NETO1: variants seen among roughly 807,000 people sequenced by gnomAD.
The protein encoded by NETO1 is neuropilin and tolloid-like protein 1.
In NETO1, 26 loss-of-function variants were observed where a neutral mutation model predicts 61.3. The observed-to-expected ratio is 0.42, with a 90% CI of 0.31 to 0.59. The LOEUF is 0.59. NETO1 is among the 20% of genes least tolerant of loss of function. NETO1 has a pLI of 0.12. For synonymous variants in NETO1, 225 were observed against 225.8 expected (o/e 1.00, Z 0.03); for missense variants, 531 against 662.8 (o/e 0.80, Z 2.18).
chr18:72,807,741 CACACACACACACA>C (rs1253809098), intron 4 of NETO1, among the ~76,000 whole-genome samples: 80 of 64,408 alleles, frequency 1.2e-3, no homozygotes, highest in Middle Eastern at 7.6e-3. Context: ...CACACACACA[CACACACACACACA>C]CCCATACTGT....
Position 72,746,482 on chromosome 18 carries a change from A to C in NETO1, c.*1697T>G, listed in dbSNP as rs146718000. The stretch of plus-strand genomic sequence containing the variant: ...TCTGATTCCCTAGTTTATCAAATTC[A>C]TTGAAGTGATTCTGTAGCTTGACAT... On this transcript the variant is annotated 3_prime_UTR_variant, in exon 11 of 11. Coordinates refer to ENST00000327305, the MANE Select transcript of NETO1 (RefSeq NM_138966.5). 6.6e-6 allele frequency among the ~76,000 whole-genome samples: 1 copy of C among 152,278 alleles called. No individual in the cohort carries two copies. Among genetic ancestry groups the C allele is most frequent in the African/African-American group, 2.4e-5 (1 of 41,570 alleles).
intron 8 of NETO1, among the ~76,000 whole-genome samples, chr18:72,755,020 GA>G (rs1486402946): frequency 6.6e-6 from 1 of 152,024 alleles, no homozygotes. Context: ...AAGGCTAAAG[GA>G]ATCATTTTTC....
intron 7 of NETO1, among the ~76,000 whole-genome samples, chr18:72,764,473 C>T (rs984899799): frequency 1.3e-5 from 2 of 152,032 alleles, no homozygotes; most frequent in Non-Finnish European, 2.9e-5. Flanking sequence ...CTTCTCAGGC[C>T]GCTATGCTAG....
At chr18:72,790,338 A>C (rs1171231935) in intron 6 of NETO1, among the ~76,000 whole-genome samples, 2 of 152,122 alleles carry the variant, frequency 1.3e-5, no homozygotes, top group Non-Finnish European at 2.9e-5. Flanking sequence ...ATTAAAAATA[A>C]ATTTTAAAAA....
At chr18:72,837,668 A>G (rs1486155763) in intron 4 of NETO1, among the ~76,000 whole-genome samples, 1 of 152,190 alleles carries the variant, frequency 6.6e-6, no homozygotes, top group East Asian at 1.9e-4. Flanking sequence ...ACTTATCTCT[A>G]TGGTATTCAA....
At chr18:72,776,353 C>G (rs745653279) in intron 7 of NETO1, among the ~76,000 whole-genome samples, 7 of 152,218 alleles carry the variant, frequency 4.6e-5, no homozygotes, top group Non-Finnish European at 7.3e-5. Context: ...CACCTAAATA[C>G]ATCCCACAAG....
intron 4 of NETO1, chr18:72,853,344 A>G (rs887350102): frequency 6.6e-6 from 1 of 152,440 alleles, no homozygotes; most frequent in African/African-American, 2.4e-5. Flanking sequence ...CAGTTTTGCC[A>G]TTAAAGGTAA....
At chr18:72,758,175 T>C (rs953354257) in intron 7 of NETO1, among the ~76,000 whole-genome samples, 13 of 152,134 alleles carry the variant, frequency 8.5e-5, no homozygotes, top group Non-Finnish European at 1.5e-4. Flanking sequence ...CAAATGGGAT[T>C]GTGTCTGTTT....
At chr18:72,855,135 T>C (rs1428577545) in intron 4 of NETO1, among the ~76,000 whole-genome samples, 2 of 152,218 alleles carry the variant, frequency 1.3e-5, no homozygotes, top group East Asian at 1.9e-4. Context: ...GGCGTAACTT[T>C]TAACATTCTT....
At position 72,802,413 on chromosome 18, in the gene NETO1, T is replaced by A. The variant is rs1044579620; in HGVS notation, c.470-8009A>T. On this transcript the variant is annotated intron_variant, in intron 4 of 10. Transcript: ENST00000327305. ...TCACACAGTAACTTGCTGATTAAAGTTTCAGCTTAGACAAGAAGACAGAGT... is the reference window on the plus strand; with the variant it reads ...TCACACAGTAACTTGCTGATTAAAGATTCAGCTTAGACAAGAAGACAGAGT... 6.6e-5 allele frequency among the ~76,000 whole-genome samples: 10 copies of A among 152,322 alleles called. 1 individual carries two copies. The South Asian group carries it at 2.1e-3, about 32-fold the overall frequency.
chr18:72,861,418 T>C (rs945716763), intron 3 of NETO1, among the ~76,000 whole-genome samples: 3 of 152,086 alleles, frequency 2.0e-5, no homozygotes, highest in East Asian at 1.9e-4. Context: ...TGAAGCTCTC[T>C]AACTCTCTCA....
At chr18:72,813,957 T>G (rs2072949284) in intron 4 of NETO1, among the ~76,000 whole-genome samples, 1 of 152,080 alleles carries the variant, frequency 6.6e-6, no homozygotes, top group Non-Finnish European at 1.5e-5. Flanking sequence ...GAGTGGTAAT[T>G]AGGTTGATAC....
At chr18:72,784,056 A>G (rs1200736441) in intron 6 of NETO1, 150 bp from the exon 7 acceptor site, 3 of 630,676 alleles carry the variant, frequency 4.8e-6, no homozygotes, top group Non-Finnish European at 8.2e-6. Context: ...AAGATGTACG[A>G]TAAGAACAAA....
rs2074248276 is a variant in NETO1, at chr18:72,851,469, TA to T, written c.469+7356del. On this transcript the variant is annotated intron_variant, in intron 4 of 10. Coordinates refer to ENST00000327305, the MANE Select transcript of NETO1 (RefSeq NM_138966.5). ...AAATTCGTGGGAGATCTAGGAGAAA[TA>T]AACTAAAGTTTTCCCCTTGAGTATT... is the stretch of plus-strand genomic sequence containing the variant. Among the ~76,000 whole-genome samples, 3 of 151,944 alleles carry T rather than the reference TA, an allele frequency of 2.0e-5. No homozygotes were observed. The South Asian group carries it at 6.2e-4, about 32-fold the overall frequency.
intron 7 of NETO1, among the ~76,000 whole-genome samples, chr18:72,767,733 A>G (rs2071212924): frequency 6.6e-6 from 1 of 152,122 alleles, no homozygotes; most frequent in South Asian, 2.1e-4. Flanking sequence ...ACAGGAAGGA[A>G]GGGAGGTAAG....
At chr18:72,767,165 C>T (rs966485101) in intron 7 of NETO1, among the ~76,000 whole-genome samples, 19 of 152,208 alleles carry the variant, frequency 1.2e-4, no homozygotes, top group Non-Finnish European at 2.5e-4. Context: ...TAGAGCCAAG[C>T]GTAAACACAT....
chr18:72,748,872 C>A, intron 10 of NETO1, 142 bp downstream of exon 10: 3 of 669,434 alleles, frequency 4.5e-6, no homozygotes, highest in South Asian at 1.6e-5. Context: ...CTGAACCCAT[C>A]GTATTTCTAA....
chr18:72,809,366 A>G (rs189833649), intron 4 of NETO1, among the ~76,000 whole-genome samples: 144 of 152,350 alleles, frequency 9.5e-4, no homozygotes, highest in Admixed American at 1.7e-3. Context: ...AAAATTTAAT[A>G]TGCTGAACCT....
At chr18:72,783,986 A>T in intron 6 of NETO1, 80 bp from the exon 7 acceptor site, 1 of 938,332 alleles carries the variant, frequency 1.1e-6, no homozygotes, top group Non-Finnish European at 1.7e-6. Flanking sequence ...TCTCTTTTTC[A>T]GTCTCACAAG....
Sources: allele counts gnomAD v4.1 joint callset (sites outside exome capture counted in the v4.1 genomes callset), GRCh38; gene constraint gnomAD v4.1.1; transcripts MANE v1.5; gene names NCBI Gene and HGNC (gene_info 2026-07-23, HGNC 2026-07-21).